Variants in ATP8A2 observed in about 807,000 individuals in gnomAD.
The protein encoded by ATP8A2 is phospholipid-transporting ATPase IB.
ATP8A2 carries 100 observed loss-of-function variants against 165.6 expected under a neutral mutation model. That is an observed-to-expected ratio of 0.60 (90% confidence interval 0.51 to 0.71). The LOEUF is 0.71. Among genes scored for constraint, ATP8A2 ranks in the 30% least tolerant of loss-of-function variants. The pLI is 0.00. For synonymous variants in ATP8A2, 543 were observed against 548.8 expected, an observed-to-expected ratio of 0.99 and a Z score of 0.15; for missense variants, 1,227 against 1,479.5, an observed-to-expected ratio of 0.83 and a Z score of 2.80.
chr13:25,959,184 A>G (rs1189914510), intron 33 of ATP8A2, among the ~76,000 whole-genome samples: 1 of 152,196 alleles, frequency 6.6e-6, no homozygotes, highest in Non-Finnish European at 1.5e-5. Flanking sequence ...GGCTGATCCA[A>G]TCCCTTTCTT....
At chr13:25,642,726 G>A (rs887840708) in intron 24 of ATP8A2, among the ~76,000 whole-genome samples, 5 of 152,180 alleles carry the variant, frequency 3.3e-5, no homozygotes, top group African/African-American at 1.2e-4. Flanking sequence ...TATACCCAAA[G>A]GATTATAAAT....
At chr13:25,484,991 C>T (rs1249884007) in intron 2 of ATP8A2, among the ~76,000 whole-genome samples, 1 of 152,216 alleles carries the variant, frequency 6.6e-6, no homozygotes, top group Non-Finnish European at 1.5e-5. Flanking sequence ...TGAATAGTAT[C>T]ACAATTATTT....
intron 24 of ATP8A2, among the ~76,000 whole-genome samples, chr13:25,605,014 G>T (rs1298643282): frequency 6.6e-6 from 1 of 152,196 alleles, no homozygotes; most frequent in Non-Finnish European, 1.5e-5. Context: ...ATTACATGGT[G>T]CATCATAAAG....
chr13:25,878,203 C>G (rs1450520871), intron 33 of ATP8A2, among the ~76,000 whole-genome samples: 2 of 152,072 alleles, frequency 1.3e-5, no homozygotes, highest in Non-Finnish European at 2.9e-5. Flanking sequence ...ACCACAGGAG[C>G]CCCCTTCTCA....
chr13:25,499,684 G>T (rs777739822), intron 2 of ATP8A2, among the ~76,000 whole-genome samples: 2 of 152,154 alleles, frequency 1.3e-5, no homozygotes, highest in South Asian at 2.1e-4. Flanking sequence ...CCAAACACAC[G>T]TACTGGTTCT....
chr13:25,464,785 G>A (rs1374053719), intron 1 of ATP8A2, among the ~76,000 whole-genome samples: 1 of 152,128 alleles, frequency 6.6e-6, no homozygotes, highest in African/African-American at 2.4e-5. Flanking sequence ...TACCTAAAAG[G>A]CACCTACTAC....
chr13:25,930,969 T>C (rs1379038522), intron 33 of ATP8A2, among the ~76,000 whole-genome samples: 1 of 152,212 alleles, frequency 6.6e-6, no homozygotes, highest in East Asian at 1.9e-4. Flanking sequence ...ATATGAAAAC[T>C]GCACCCACTT....
At position 25,551,545 on chromosome 13, in the gene ATP8A2, C is replaced by G. The variant is rs776717554; in HGVS notation, c.1057+42C>G. The G allele has an allele frequency of 6.4e-6, 10 of 1,560,416 alleles. No homozygotes were observed. In the African/African-American group the frequency reaches 1.2e-4, roughly 19 times the overall value. On this transcript the variant is annotated intron_variant, in intron 11 of 36. Coordinates refer to ENST00000381655, the MANE Select transcript of ATP8A2 (RefSeq NM_016529.6). ...GTTGCTTGTTCCAGTGGAAGAAAACCATTTTTGAGATGTTCTTGCAGCCAT... is the reference window on the plus strand; with the variant it reads ...GTTGCTTGTTCCAGTGGAAGAAAACGATTTTTGAGATGTTCTTGCAGCCAT...
chr13:26,002,848 C>CTGTGTGTGTGTGTGTGTGTG (rs199795279), intron 35 of ATP8A2, among the ~76,000 whole-genome samples: 10 of 134,712 alleles, frequency 7.4e-5, no homozygotes, highest in African/African-American at 2.9e-4. Context: ...TAGTATTCCA[C>CTGTGTGTGTGTGTGTGTGTG]TGTGTGTGTG....
At chr13:25,487,984 C>T (rs2036405252) in intron 2 of ATP8A2, among the ~76,000 whole-genome samples, 1 of 152,118 alleles carries the variant, frequency 6.6e-6, no homozygotes, top group African/African-American at 2.4e-5. Context: ...TTCGCTGAGT[C>T]TGACTTTCCT....
chr13:25,706,308 C>T lies in ATP8A2; in HGVS notation c.2384+6963C>T, dbSNP rs192961589. Among the ~76,000 whole-genome samples, 24 of 152,264 alleles carry T rather than the reference C, an allele frequency of 1.6e-4. No individual in the cohort carries two copies. The East Asian group carries it at 4.3e-3, about 27-fold the overall frequency. ...ACATTTTAACACACTGGCAGTGTAT[C>T]ATTCCCAACGTCAGGTCAGTCTTCC... On this transcript the variant is annotated intron_variant, in intron 25 of 36. Transcript: ENST00000381655.
intron 1 of ATP8A2, among the ~76,000 whole-genome samples, chr13:25,390,945 T>C (rs201022579): frequency 6.6e-6 from 1 of 151,662 alleles, no homozygotes; most frequent in Non-Finnish European, 1.5e-5. Context: ...AAAAAATTCA[T>C]CTATGTTGCC....
chr13:25,670,516 T>A (rs2042242699), intron 24 of ATP8A2, among the ~76,000 whole-genome samples: 1 of 152,170 alleles, frequency 6.6e-6, no homozygotes, highest in South Asian at 2.1e-4. Flanking sequence ...GCTAAAAAAA[T>A]GATTATTTCA....
chr13:25,644,050 C>T (rs865979727), intron 24 of ATP8A2, among the ~76,000 whole-genome samples: 1 of 151,682 alleles, frequency 6.6e-6, no homozygotes, highest in Non-Finnish European at 1.5e-5. Flanking sequence ...TCAGAATGTT[C>T]ATTGTTAGTG....
At chr13:25,460,442 G>T (rs2035474814) in intron 1 of ATP8A2, among the ~76,000 whole-genome samples, 1 of 152,182 alleles carries the variant, frequency 6.6e-6, no homozygotes, top group African/African-American at 2.4e-5. Context: ...AACTGGACTT[G>T]TATTTTTAAA....
At chr13:25,719,847 C>T (rs2043336783) in intron 25 of ATP8A2, among the ~76,000 whole-genome samples, 1 of 152,156 alleles carries the variant, frequency 6.6e-6, no homozygotes, top group Admixed American at 6.5e-5. Flanking sequence ...GAGCTGGCAT[C>T]GCTGTGGGGC....
chr13:25,564,391 T>A (rs1403583026), intron 16 of ATP8A2, among the ~76,000 whole-genome samples: 1 of 152,236 alleles, frequency 6.6e-6, no homozygotes, highest in Non-Finnish European at 1.5e-5. Flanking sequence ...TTGACTAGGA[T>A]ACTTTAGGAA....
At chr13:25,836,022 A>C (rs1951594011) in intron 28 of ATP8A2, among the ~76,000 whole-genome samples, 1 of 152,216 alleles carries the variant, frequency 6.6e-6, no homozygotes, top group African/African-American at 2.4e-5. Context: ...GACTAAGGAA[A>C]CAGAAGTAGA....
intron 33 of ATP8A2, among the ~76,000 whole-genome samples, chr13:25,937,585 C>T (rs1048942204): frequency 2.6e-5 from 4 of 151,006 alleles, no homozygotes; most frequent in Non-Finnish European, 5.9e-5. Flanking sequence ...AGCGGTGGCT[C>T]ACACCTGTAA....
Sources: allele counts gnomAD v4.1 joint callset (sites outside exome capture counted in the v4.1 genomes callset), GRCh38; gene constraint gnomAD v4.1.1; transcripts MANE v1.5; gene names NCBI Gene and HGNC (gene_info 2026-07-23, HGNC 2026-07-21).